FREM1: variants seen among roughly 807,000 people sequenced by gnomAD.
FREM1 encodes FRAS1-related extracellular matrix protein 1.
Under a neutral mutation model 210.1 loss-of-function variants are expected in FREM1, and 220 were observed. That is an observed-to-expected ratio of 1.05 (90% CI 0.94 to 1.17). FREM1 has a LOEUF of 1.17. FREM1 is among the 50% of genes most tolerant of loss of function. The pLI is 0.00. For missense variants in FREM1, 3,454 were observed against 2,675.5 expected (o/e 1.29, Z -6.42); for synonymous variants, 1,189 against 980.2 (o/e 1.21, Z -3.98).
intron 5 of FREM1, among the ~76,000 whole-genome samples, chr9:14,854,204 A>G (rs902395270): frequency 6.6e-6 from 1 of 152,216 alleles, no homozygotes; most frequent in Admixed American, 6.5e-5. Flanking sequence ...GGAATTGTCA[A>G]ATAAGATAAA....
At chr9:14,775,687 G>C (rs1056491101) in intron 25 of FREM1, 102 bp downstream of exon 25, 11 of 726,982 alleles carry the variant, frequency 1.5e-5, no homozygotes, top group Non-Finnish European at 2.1e-5. Context: ...CAGCCTGGGT[G>C]ACAGAGAGAG....
At chr9:14,737,969 AT>A (rs1372897974) in intron 36 of FREM1, among the ~76,000 whole-genome samples, 3 of 152,192 alleles carry the variant, frequency 2.0e-5, no homozygotes, top group African/African-American at 7.2e-5. Context: ...ATTATTATTC[AT>A]ATCATCCTAC....
At chr9:14,807,156 G>C (rs767089908) in intron 17 of FREM1, among the ~76,000 whole-genome samples, 9 of 152,154 alleles carry the variant, frequency 5.9e-5, no homozygotes, top group South Asian at 2.1e-4. Context: ...AAGGAACTCT[G>C]GTTTCCCTTG....
chr9:14,778,974 A>G (rs1215648938), intron 24 of FREM1, among the ~76,000 whole-genome samples: 1 of 152,222 alleles, frequency 6.6e-6, no homozygotes, highest in Non-Finnish European at 1.5e-5. Context: ...CAGTTTCAAA[A>G]GTAAACTGAT....
chr9:14,860,072 G>C (rs901498851), intron 3 of FREM1, among the ~76,000 whole-genome samples: 2 of 152,052 alleles, frequency 1.3e-5, no homozygotes, highest in African/African-American at 4.8e-5. Flanking sequence ...TTTGAAGGGA[G>C]AAGATTAATG....
chr9:14,864,133 AG>A (rs1324371448), intron 2 of FREM1, among the ~76,000 whole-genome samples: 1 of 152,194 alleles, frequency 6.6e-6, no homozygotes, highest in Non-Finnish European at 1.5e-5. Flanking sequence ...TGAAAACCAA[AG>A]CAGTTCAAGA....
intron 19 of FREM1, among the ~76,000 whole-genome samples, chr9:14,802,277 C>T (rs1217791112): frequency 6.6e-6 from 1 of 152,210 alleles, no homozygotes; most frequent in Non-Finnish European, 1.5e-5. Context: ...TCGTGGATCT[C>T]CTTGCTTCTA....
chr9:14,817,003 C>A (rs1459119491), intron 14 of FREM1, 132 bp from the exon 15 acceptor site: 5 of 401,108 alleles, frequency 1.2e-5, no homozygotes, highest in Middle Eastern at 3.5e-4. Flanking sequence ...ACAACAACAA[C>A]AAAAACCCAG....
chr9:14,742,704 G>C (rs566348703), intron 35 of FREM1, among the ~76,000 whole-genome samples: 43 of 152,206 alleles, frequency 2.8e-4, no homozygotes, highest in African/African-American at 8.4e-4. Context: ...AGGTTAGTTT[G>C]ATTCAAATCC....
intron 2 of FREM1, 23 bp from the exon 3 acceptor site, chr9:14,863,926 T>A: frequency 1.4e-6 from 2 of 1,425,666 alleles, no homozygotes; most frequent in Non-Finnish European, 2.0e-6. Flanking sequence ...AAGAATTGGA[T>A]AAATATCTAT....
chr9:14,801,068 G>C (rs979885607), intron 20 of FREM1, among the ~76,000 whole-genome samples: 2 of 152,034 alleles, frequency 1.3e-5, no homozygotes, highest in South Asian at 4.1e-4. Context: ...GCACGATCTC[G>C]GCTCACTGCA....
At chr9:14,830,824 T>C (rs1160651350) in intron 10 of FREM1, among the ~76,000 whole-genome samples, 2 of 152,222 alleles carry the variant, frequency 1.3e-5, no homozygotes, top group African/African-American at 4.8e-5. Context: ...TTTGGTGCAT[T>C]GAGGTACAGG....
rs115994918 is a variant in FREM1 at position 14,794,038 on chromosome 9, T to G, written c.3840-1154A>C. ...AATGTCATTAAGAAGATGAAGAGTT[T>G]GGTAGGAAGAATTCAGAATTAAATT... On this transcript the variant is annotated intron_variant, in intron 21 of 36. Coordinates refer to ENST00000380880, the MANE Select transcript of FREM1 (RefSeq NM_001379081.2). Among the ~76,000 whole-genome samples the G allele has an allele frequency of 5.9e-3, 899 of 152,238 alleles. 7 individuals carry two copies. Among genetic ancestry groups the G allele is most frequent in the African/African-American group, 0.02 (850 of 41,534 alleles).
intron 1 of FREM1, among the ~76,000 whole-genome samples, chr9:14,898,953 C>T (rs1168061861): frequency 1.3e-5 from 2 of 152,108 alleles, no homozygotes; most frequent in Admixed American, 1.3e-4. Flanking sequence ...CCTAAAACAT[C>T]ACAAAAATTA....
rs191680901 is a variant in FREM1 at position 14,824,221 on chromosome 9, G to A, written c.2079-106C>T. 4.9e-4 allele frequency: 339 copies of A among 687,410 alleles called. 1 individual carries two copies. The African/African-American group carries it at 5.4e-3, about 11-fold the overall frequency. 42.6% of individuals were successfully genotyped at this position (687,410 alleles called of 1,614,324 possible). A position where few individuals can be genotyped will look rare whatever the true frequency, so the allele number is the denominator to read the frequency against. On this transcript the variant is annotated intron_variant, in intron 11 of 36. Coordinates refer to ENST00000380880, the MANE Select transcript of FREM1 (RefSeq NM_001379081.2). ...AAAGACTTCATTGTGAGAAGAAATT[G>A]GGTGCTCTATCTTTATATTCTCTCT...
intron 19 of FREM1, among the ~76,000 whole-genome samples, chr9:14,803,584 G>A (rs1003408535): frequency 2.0e-5 from 3 of 151,980 alleles, no homozygotes; most frequent in Admixed American, 6.5e-5. Context: ...GCCCAGGCTG[G>A]TCTTGAACTC....
At chr9:14,882,787 A>T (rs1835019095) in intron 1 of FREM1, among the ~76,000 whole-genome samples, 1 of 151,346 alleles carries the variant, frequency 6.6e-6, no homozygotes, top group Non-Finnish European at 1.5e-5. Flanking sequence ...TTATGAACAT[A>T]CTTTCCTCTT....
chr9:14,853,117 C>T (rs1052907708), intron 5 of FREM1, among the ~76,000 whole-genome samples: 1 of 152,210 alleles, frequency 6.6e-6, no homozygotes, highest in Non-Finnish European at 1.5e-5. Flanking sequence ...AATGCCATAT[C>T]TCCTGTCCCT....
At chr9:14,852,774 A>T (rs2131417219) in intron 5 of FREM1, among the ~76,000 whole-genome samples, 1 of 152,372 alleles carries the variant, frequency 6.6e-6, no homozygotes, top group East Asian at 1.9e-4. Flanking sequence ...AACCAGGCTC[A>T]GTTACCAAAT....
Sources: gnomAD v4.1 joint callset for allele counts (sites outside exome capture counted in the v4.1 genomes callset) on GRCh38, gnomAD v4.1.1 for gene constraint, MANE v1.5 for transcripts, NCBI Gene and HGNC (gene_info 2026-07-23, HGNC 2026-07-21) for gene names.